BET1: variants seen among roughly 807,000 people sequenced by gnomAD.
BET1 encodes BET1 homolog.
BET1 carries 9 observed loss-of-function variants against 13.9 expected under a neutral mutation model. The observed-to-expected ratio is 0.65, with a 90% CI of 0.39 to 1.13. BET1 has a LOEUF of 1.13. BET1 is among the 50% of genes most tolerant of loss of function. The pLI, the probability that BET1 is intolerant of heterozygous loss-of-function variation, is 0.01. For missense variants in BET1, 127 were observed against 133.6 expected (o/e 0.95, Z 0.24); for synonymous variants, 39 against 47.3 (o/e 0.82, Z 0.72).
chr7:93,993,986 G>C lies in BET1; in HGVS notation c.*244C>G. ...TGGCAAACAATAGAAAAACAAACTGGAAATTAGTGGAGCCACACCCTCTCA... is the reference window on the plus strand; with the variant it reads ...TGGCAAACAATAGAAAAACAAACTGCAAATTAGTGGAGCCACACCCTCTCA... On this transcript the variant is annotated 3_prime_UTR_variant, in exon 4 of 4. Transcript: ENST00000222547. The C allele has an allele frequency of 1.3e-6, 2 of 1,529,444 alleles. No homozygotes were observed. Among genetic ancestry groups the C allele is most frequent in the Non-Finnish European group, 1.7e-6 (2 of 1,144,040 alleles). 94.7% of individuals were successfully genotyped at this position (1,529,444 alleles called of 1,614,324 possible).
rs147913596 is a variant in BET1, at chr7:93,974,230, T to C, written c.*49-1567A>G. Among the ~76,000 whole-genome samples, 677 of 152,088 alleles carry C rather than the reference T, an allele frequency of 4.5e-3. 5 individuals carry two copies. Among genetic ancestry groups the C allele is most frequent in the African/African-American group, 0.016 (651 of 41,520 alleles). On this transcript the variant is annotated intron_variant and NMD_transcript_variant, in intron 5 of 6. Transcript: ENST00000357520. ...ATAAATACTGACATAAACTTAGACA[T>C]ATGTGTATGCAATAACCAGTATAAT... is the stretch of plus-strand genomic sequence containing the variant.
chr7:93,964,174 G>T (rs1455912235), exon 7 of BET1: 1 of 151,990 alleles, frequency 6.6e-6, no homozygotes, highest in Non-Finnish European at 1.5e-5. Context: ...TTTTTTACAT[G>T]GTTATATTGC....
chr7:93,998,397 A>G (rs572470258), intron 2 of BET1, among the ~76,000 whole-genome samples: 1 of 152,184 alleles, frequency 6.6e-6, no homozygotes, highest in African/African-American at 2.4e-5. Context: ...CAATAGTTCA[A>G]CTAAGAAAAC....
At chr7:93,991,982 C>G, downstream of BET1, 1 of 985,288 alleles carries the variant, frequency 1.0e-6, no homozygotes, top group Non-Finnish European at 1.2e-6. Context: ...GGGACAGGTG[C>G]TAGGGTTCTC....
chr7:93,988,055 G>A lies in BET1; in HGVS notation c.235+6297C>T, dbSNP rs531795956. 8.5e-5 allele frequency among the ~76,000 whole-genome samples: 13 copies of A among 152,174 alleles called. No individual in the cohort carries two copies. The East Asian group carries it at 1.9e-3, about 23-fold the overall frequency. ...TAATCAAGCCATATATTTTTATTAG[G>A]GGCCTTTTATGGTCTCAGCACTGGA... On this transcript the variant is annotated intron_variant and NMD_transcript_variant, in intron 4 of 6. Coordinates refer to the BET1 transcript ENST00000357520.
chr7:93,986,407 A>C (rs1483937144), intron 4 of BET1, among the ~76,000 whole-genome samples: 1 of 152,060 alleles, frequency 6.6e-6, no homozygotes. Flanking sequence ...GGAAACAAAA[A>C]CTCTTTTCTC....
At chr7:93,992,710 C>A, downstream of BET1, 1 of 976,568 alleles carries the variant, frequency 1.0e-6, no homozygotes, top group Non-Finnish European at 1.2e-6. Context: ...GTAGTGAGAA[C>A]CAACATTTAT....
rs1795713150 is a variant in BET1, at chr7:93,994,362, A to G, written c.225T>C (p.Thr75=). The G allele has an allele frequency of 1.9e-6, 3 of 1,612,760 alleles. No individual in the cohort carries two copies. Among genetic ancestry groups the G allele is most frequent in the Middle Eastern group, 3.3e-4 (2 of 6,054 alleles). Residue 75 remains threonine (T), a synonymous_variant, in exon 4 of 4, where the codon ACT becomes ACC. Transcript: ENST00000222547. The stretch of plus-strand genomic sequence containing the variant: ...TGCCCATAGTTTTACCTAGAAATCC[A>G]GTTGTGGAATCAAATTGTGAATCCT... ...AEMDSQFDST[T]GFLGKTMGKL...
At position 93,984,489 on chromosome 7, in the gene BET1, T is replaced by C. The variant is rs146782990; in HGVS notation, c.236-8389A>G. 5.6e-4 allele frequency among the ~76,000 whole-genome samples: 85 copies of C among 152,274 alleles called. 1 individual carries two copies. The highest frequency in any genetic ancestry group is 1.9e-3 in the African/African-American group (81 of 41,562). ...AAATAGGTGAACATTAATTGTAAGT[T>C]ATTTGAGATGAAATTCCTTCTACTG... On this transcript the variant is annotated intron_variant and NMD_transcript_variant, in intron 4 of 6. Transcript: ENST00000357520.
At chr7:94,002,705 A>G (rs1442103291) in intron 1 of BET1, among the ~76,000 whole-genome samples, 1 of 152,006 alleles carries the variant, frequency 6.6e-6, no homozygotes, top group Non-Finnish European at 1.5e-5. Flanking sequence ...GATGAAATCC[A>G]AACTCTTTGG....
chr7:93,992,192 T>G, downstream of BET1: 1 of 985,300 alleles, frequency 1.0e-6, no homozygotes, highest in Non-Finnish European at 1.2e-6. Flanking sequence ...AAATAGTACT[T>G]AGAAATAAAA....
At chr7:93,979,822 G>C (rs1035867452) in intron 4 of BET1, among the ~76,000 whole-genome samples, 1 of 151,976 alleles carries the variant, frequency 6.6e-6, no homozygotes, top group Non-Finnish European at 1.5e-5. Flanking sequence ...ACTGGCCTTA[G>C]GTTCTGACTA....
intron 6 of BET1, among the ~76,000 whole-genome samples, chr7:93,971,452 T>C (rs569575155): frequency 5.3e-5 from 8 of 151,540 alleles, no homozygotes; most frequent in African/African-American, 1.2e-4. Context: ...AGAGTTTTTC[T>C]TGGAATAACA....
downstream of BET1, among the ~76,000 whole-genome samples, chr7:93,990,682 A>G (rs1264685660): frequency 6.6e-6 from 1 of 152,160 alleles, no homozygotes; most frequent in Non-Finnish European, 1.5e-5. Flanking sequence ...AAAACATTAA[A>G]CAGTTTTTCT....
chr7:93,963,990 C>T (rs1795136557), exon 7 of BET1: 2 of 151,898 alleles, frequency 1.3e-5, no homozygotes, highest in East Asian at 1.9e-4. Flanking sequence ...CGCTTAAACT[C>T]AGGAGGTAGA....
exon 7 of BET1, chr7:93,965,459 C>T (rs1795157793): frequency 6.6e-6 from 1 of 151,908 alleles, no homozygotes; most frequent in South Asian, 2.1e-4. Context: ...ATAATCTATA[C>T]AATTTTAATT....
At chr7:94,002,803 TTCC>T (rs1436283817) in intron 1 of BET1, among the ~76,000 whole-genome samples, 2 of 152,132 alleles carry the variant, frequency 1.3e-5, no homozygotes, top group African/African-American at 4.8e-5. Flanking sequence ...TTCTTTTGAG[TTCC>T]TCCTATCTGG....
chr7:93,985,059 C>CA (rs1165152434), intron 4 of BET1, among the ~76,000 whole-genome samples: 2 of 152,070 alleles, frequency 1.3e-5, no homozygotes, highest in South Asian at 4.1e-4. Context: ...CAATTCCTAG[C>CA]AAAACAGTCT....
At position 94,000,127 on chromosome 7, in the gene BET1, T is replaced by C. The variant is rs548102603; in HGVS notation, c.20-833A>G. 2.7e-3 allele frequency among the ~76,000 whole-genome samples: 395 copies of C among 147,098 alleles called. 1 individual carries two copies. The highest frequency in any genetic ancestry group is 3.9e-3 in the South Asian group (18 of 4,586). ...CTATACTTTTTTTTTTTTTTTGAGG[T>C]GGAGTCTCGCTCTGTCGCCCAAGCT... is the stretch of plus-strand genomic sequence containing the variant. On this transcript the variant is annotated intron_variant, in intron 1 of 3. Coordinates refer to ENST00000222547, the MANE Select transcript of BET1 (RefSeq NM_005868.6).
Sources: gnomAD v4.1 joint callset for allele counts (sites outside exome capture counted in the v4.1 genomes callset) on GRCh38, gnomAD v4.1.1 for gene constraint, MANE v1.5 for transcripts, NCBI Gene and HGNC (gene_info 2026-07-23, HGNC 2026-07-21) for gene names.